Variants in CREB3L1 observed in about 807,000 individuals in gnomAD.
The protein encoded by CREB3L1 is cyclic AMP-responsive element-binding protein 3-like protein 1.
A neutral mutation model predicts 54.5 loss-of-function variants in CREB3L1; 33 were observed. That is an observed-to-expected ratio of 0.61 (90% CI 0.46 to 0.81). The LOEUF is 0.81. Ranked by LOEUF, CREB3L1 falls within the 30% of genes least tolerant of loss-of-function variation. The pLI, the probability that CREB3L1 is intolerant of heterozygous loss-of-function variation, is 0.00. For missense variants in CREB3L1, 656 were observed against 673.3 expected (o/e 0.97, Z 0.29); for synonymous variants, 284 against 286.4 (o/e 0.99, Z 0.08).
intron 1 of CREB3L1, among the ~76,000 whole-genome samples, chr11:46,282,033 C>T (rs1389201865): frequency 6.6e-6 from 1 of 152,106 alleles, no homozygotes; most frequent in Non-Finnish European, 1.5e-5. Context: ...GTTTTGCTTC[C>T]CCCAGTGTTG....
intron 1 of CREB3L1, among the ~76,000 whole-genome samples, chr11:46,281,144 C>T (rs147766200): frequency 6.6e-6 from 1 of 152,292 alleles, no homozygotes; most frequent in Admixed American, 6.5e-5. Flanking sequence ...ATGCGATTCT[C>T]AGAGATCCTC....
Position 46,308,014 on chromosome 11 carries a change from CTGTT to C in CREB3L1, c.516+18_516+21del. 1 of 1,505,660 alleles carries C rather than the reference CTGTT, an allele frequency of 6.6e-7. No individual in the cohort carries two copies. Among genetic ancestry groups the C allele is most frequent in the South Asian group, 1.3e-5 (1 of 78,628 alleles). 93.3% of individuals were successfully genotyped at this position (1,505,660 alleles called of 1,614,324 possible). A position where few individuals can be genotyped will look rare whatever the true frequency, so the allele number is the denominator to read the frequency against. ...ATCCCCCACCAGGTGAGCCTGGGAA[CTGTT>C]TGTAGCGGCTGAGGGAGGGAGGAGG... is the stretch of plus-strand genomic sequence containing the variant. On this transcript the variant is annotated intron_variant, in intron 3 of 11. Transcript: ENST00000621158.
intron 2 of CREB3L1, among the ~76,000 whole-genome samples, chr11:46,304,292 G>A (rs1939344603): frequency 6.6e-6 from 1 of 152,118 alleles, no homozygotes; most frequent in East Asian, 1.9e-4. Context: ...AACCAACATG[G>A]AGAAACCCCG....
chr11:46,284,640 G>A (rs1054144520), intron 1 of CREB3L1, among the ~76,000 whole-genome samples: 2 of 140,982 alleles, frequency 1.4e-5, no homozygotes, highest in African/African-American at 5.6e-5. Context: ...GGCAACAAGG[G>A]CAAAACTCCA....
chr11:46,313,842 G>A (rs556330394), intron 8 of CREB3L1, among the ~76,000 whole-genome samples: 4 of 152,310 alleles, frequency 2.6e-5, no homozygotes, highest in African/African-American at 9.6e-5. Context: ...TCAAGTCACA[G>A]CTCTGGGTTC....
rs753687132 is a variant in CREB3L1 at position 46,320,835 on chromosome 11, G to T, written c.*89G>T. 1.4e-5 allele frequency: 19 copies of T among 1,349,580 alleles called. No individual in the cohort carries two copies. The highest frequency in any genetic ancestry group is 1.9e-5 in the Non-Finnish European group (18 of 960,480). 83.6% of individuals were successfully genotyped at this position (1,349,580 alleles called of 1,614,324 possible). A position where few individuals can be genotyped will look rare whatever the true frequency, so the allele number is the denominator to read the frequency against. On this transcript the variant is annotated 3_prime_UTR_variant, in exon 12 of 12. Transcript: ENST00000621158. ...TAACCCGGATCCGCCTCGTGCCCCT[G>T]CCTCCTGGAGCTTCCCATTCCAGGA...
At chr11:46,318,217 C>A (rs76864349) in intron 10 of CREB3L1, among the ~76,000 whole-genome samples, 2 of 147,842 alleles carry the variant, frequency 1.4e-5, no homozygotes, top group African/African-American at 2.5e-5. Flanking sequence ...GACTCCATCT[C>A]AAAAAAAAAA....
chr11:46,280,391 C>T (rs951386257), intron 1 of CREB3L1, among the ~76,000 whole-genome samples: 1 of 151,774 alleles, frequency 6.6e-6, no homozygotes, highest in African/African-American at 2.4e-5. Context: ...GGGGTTTCAC[C>T]GTGTTAGCCA....
intron 2 of CREB3L1, among the ~76,000 whole-genome samples, chr11:46,300,708 TA>T (rs1164539013): frequency 8.8e-5 from 13 of 147,636 alleles, no homozygotes; most frequent in South Asian, 2.1e-4. Context: ...CCGTCTCTAC[TA>T]AAAAAAAAAT....
At chr11:46,279,945 C>T (rs1171265577) in intron 1 of CREB3L1, among the ~76,000 whole-genome samples, 1 of 152,160 alleles carries the variant, frequency 6.6e-6, no homozygotes, top group Non-Finnish European at 1.5e-5. Flanking sequence ...AAAAGAGGCA[C>T]GACCAGACAG....
intron 8 of CREB3L1, chr11:46,316,050 G>A (rs1939561765): frequency 6.9e-6 from 3 of 434,578 alleles, no homozygotes; most frequent in East Asian, 3.9e-5. Context: ...TTGGCCAGGA[G>A]CATCACAGGG....
rs73461896 is a variant in CREB3L1 at position 46,308,287 on chromosome 11, A to G, written c.516+287A>G. Among the ~76,000 whole-genome samples, 524 of 152,302 alleles carry G rather than the reference A, an allele frequency of 3.4e-3. 6 individuals are homozygous for G. The highest frequency in any genetic ancestry group is 0.012 in the African/African-American group (498 of 41,548). ...GGCTCCAGGCAGGGGTGGCATCAGG[A>G]GCCCAGTCCAGGGTCTCAGAGGTGG... is the stretch of plus-strand genomic sequence containing the variant. On this transcript the variant is annotated intron_variant, in intron 3 of 11. Coordinates refer to ENST00000621158, the MANE Select transcript of CREB3L1 (RefSeq NM_052854.4).
intron 1 of CREB3L1, among the ~76,000 whole-genome samples, chr11:46,291,940 G>A (rs538286069): frequency 1.3e-5 from 2 of 152,376 alleles, no homozygotes; most frequent in Admixed American, 1.3e-4. Flanking sequence ...GTACACTGAG[G>A]AGAGGGGAGA....
chr11:46,301,595 G>A (rs1437867443), intron 2 of CREB3L1, among the ~76,000 whole-genome samples: 3 of 151,842 alleles, frequency 2.0e-5, no homozygotes, highest in East Asian at 1.9e-4. Flanking sequence ...CCTGGGAGGC[G>A]GAGGCTGCAG....
intron 10 of CREB3L1, 125 bp from the exon 11 acceptor site, chr11:46,320,139 C>A: frequency 9.2e-7 from 1 of 1,086,604 alleles, no homozygotes; most frequent in Non-Finnish European, 1.3e-6. Context: ...TGAGGTCACA[C>A]ATCCGGGAAG....
intron 1 of CREB3L1, among the ~76,000 whole-genome samples, chr11:46,291,195 ATGAATGACTC>A (rs1406287180): frequency 3.3e-5 from 5 of 152,142 alleles, no homozygotes; most frequent in African/African-American, 4.8e-5. Context: ...ATAGAGACAA[ATGAATGACTC>A]TGGAAACGGC....
In CREB3L1 at chr11:46,320,933, C is replaced by T. The variant is rs2136361510; in HGVS notation, c.*187C>T. Reference sequence around the variant, plus strand: ...CTTCCCTTGGGCCGACCACTCTGTTCTCATTCTCCTTCCCACCAACATCCA... The same window carrying T: ...CTTCCCTTGGGCCGACCACTCTGTTTTCATTCTCCTTCCCACCAACATCCA... On this transcript the variant is annotated 3_prime_UTR_variant, in exon 12 of 12. Coordinates refer to ENST00000621158, the MANE Select transcript of CREB3L1 (RefSeq NM_052854.4). 1 of 715,760 alleles carries T rather than the reference C, an allele frequency of 1.4e-6. No homozygotes were observed. The highest frequency in any genetic ancestry group is 2.5e-6 in the Non-Finnish European group (1 of 396,152). The allele number at this position is 715,760 out of a possible 1,614,324, so 44.3% of individuals were successfully genotyped here.
intron 2 of CREB3L1, among the ~76,000 whole-genome samples, chr11:46,306,828 G>T (rs1939403635): frequency 6.7e-6 from 1 of 149,326 alleles, no homozygotes; most frequent in African/African-American, 2.5e-5. Context: ...CTGGAGTGCA[G>T]TAGCACAATC....
At chr11:46,294,672 G>C (rs959997553) in intron 1 of CREB3L1, among the ~76,000 whole-genome samples, 3 of 151,914 alleles carry the variant, frequency 2.0e-5, no homozygotes, top group Admixed American at 2.0e-4. Context: ...AGGACAGGGG[G>C]GTCTGCTGAC....
Sources: gnomAD v4.1 joint callset for allele counts (sites outside exome capture counted in the v4.1 genomes callset) on GRCh38, gnomAD v4.1.1 for gene constraint, MANE v1.5 for transcripts, NCBI Gene and HGNC (gene_info 2026-07-23, HGNC 2026-07-21) for gene names.